GNAQ: variants seen among roughly 807,000 people sequenced by gnomAD.
GNAQ encodes the protein G protein subunit alpha q.
GNAQ carries 8 observed loss-of-function variants against 43.9 expected under a neutral mutation model. The ratio of observed to expected loss-of-function variants is 0.18; its 90% CI spans 0.11 to 0.33. The LOEUF is 0.33. GNAQ is among the 10% of genes least tolerant of loss of function. The probability of loss-of-function intolerance (pLI) is 1.00; values close to 1 mark genes in which losing one functional copy is unlikely to be tolerated. For synonymous variants in GNAQ, 155 were observed against 170.7 expected (o/e 0.91, Z 0.71); for missense variants, 158 against 450.8 (o/e 0.35, Z 5.88).
At chr9:77,923,538 C>G (rs796996865) in intron 1 of GNAQ, among the ~76,000 whole-genome samples, 26 of 152,240 alleles carry the variant, frequency 1.7e-4, no homozygotes, top group African/African-American at 6.3e-4. Context: ...CTTCATTTTT[C>G]TAAATATGAG....
intron 5 of GNAQ, among the ~76,000 whole-genome samples, chr9:77,745,527 A>G (rs1825715575): frequency 6.6e-6 from 1 of 152,090 alleles, no homozygotes; most frequent in Non-Finnish European, 1.5e-5. Flanking sequence ...ATACTGACTT[A>G]AGAAAGAAAA....
intron 2 of GNAQ, among the ~76,000 whole-genome samples, chr9:77,826,769 T>C (rs1827204489): frequency 6.6e-6 from 1 of 152,194 alleles, no homozygotes; most frequent in South Asian, 2.1e-4. Context: ...TGTAATAATA[T>C]ATACAAAACA....
At chr9:77,909,636 C>T (rs1564148536) in intron 2 of GNAQ, among the ~76,000 whole-genome samples, 1 of 151,844 alleles carries the variant, frequency 6.6e-6, no homozygotes, top group East Asian at 1.9e-4. Context: ...TTGATATATG[C>T]CAGTCCTTTC....
intron 6 of GNAQ, among the ~76,000 whole-genome samples, chr9:77,724,040 G>A (rs535521403): frequency 6.6e-5 from 10 of 152,156 alleles, no homozygotes; most frequent in Admixed American, 3.3e-4. Flanking sequence ...AATAGGTACC[G>A]ATAGATATAT....
chr9:77,893,238 T>C (rs1484211032), intron 2 of GNAQ, among the ~76,000 whole-genome samples: 2 of 152,088 alleles, frequency 1.3e-5, no homozygotes, highest in African/African-American at 4.8e-5. Flanking sequence ...ATAAAGCAGG[T>C]TGTGGTAAAG....
chr9:77,941,981 A>G (rs968667457), intron 1 of GNAQ, among the ~76,000 whole-genome samples: 3 of 151,994 alleles, frequency 2.0e-5, no homozygotes, highest in Admixed American at 2.0e-4. Flanking sequence ...GGGTAGAAAA[A>G]TCTATAATAA....
intron 3 of GNAQ, among the ~76,000 whole-genome samples, chr9:77,801,829 T>C (rs1368580122): frequency 6.6e-6 from 1 of 152,166 alleles, no homozygotes; most frequent in East Asian, 1.9e-4. Context: ...CTACCCAGGA[T>C]TGAAGATATG....
chr9:78,004,971 T>C (rs890712854), intron 1 of GNAQ, among the ~76,000 whole-genome samples: 10 of 152,202 alleles, frequency 6.6e-5, no homozygotes, highest in Admixed American at 3.9e-4. Context: ...TCAGATAAAC[T>C]TGACTGACAG....
chr9:77,732,721 G>T (rs1825515546), intron 5 of GNAQ, among the ~76,000 whole-genome samples: 1 of 152,130 alleles, frequency 6.6e-6, no homozygotes. Flanking sequence ...TAACAGGTTG[G>T]GCCTAGACTC....
rs915999563 is a variant in GNAQ at position 77,717,217 on chromosome 9, G to C, written c.*4106C>G. On this transcript the variant is annotated 3_prime_UTR_variant, in exon 7 of 7. Transcript: ENST00000286548. ...GTTTCTAACCAAAGATATATCTTTG[G>C]AAGAAAATATTAATGTATACCAAGC... The C allele has an allele frequency of 6.9e-5, 16 of 232,114 alleles. No individual in the cohort carries two copies. Among genetic ancestry groups the C allele is most frequent in the African/African-American group, 3.5e-4 (16 of 45,262 alleles). 14.4% of individuals were successfully genotyped at this position (232,114 alleles called of 1,614,324 possible).
chr9:77,811,648 C>T lies in GNAQ; in HGVS notation c.476+3968G>A, dbSNP rs112160057. On this transcript the variant is annotated intron_variant, in intron 3 of 6. Transcript: ENST00000286548. Reference sequence around the variant, plus strand: ...GCAGCAAATGAGTGACTCTATGATGCCCAGGTCCTATTTCTGTTGAGAGGT... The same window carrying T: ...GCAGCAAATGAGTGACTCTATGATGTCCAGGTCCTATTTCTGTTGAGAGGT... Among the ~76,000 whole-genome samples the T allele has an allele frequency of 5.6e-3, 856 of 152,232 alleles. 1 individual carries two copies. Among genetic ancestry groups the T allele is most frequent in the African/African-American group, 0.019 (809 of 41,542 alleles).
At chr9:77,935,147 C>T (rs996652709) in intron 1 of GNAQ, among the ~76,000 whole-genome samples, 1 of 151,972 alleles carries the variant, frequency 6.6e-6, no homozygotes, top group African/African-American at 2.4e-5. Context: ...AAATTATACC[C>T]AAAGAAATAC....
chr9:77,842,474 A>G (rs1195357200), intron 2 of GNAQ, among the ~76,000 whole-genome samples: 1 of 152,184 alleles, frequency 6.6e-6, no homozygotes, highest in Non-Finnish European at 1.5e-5. Flanking sequence ...GGGGAACCTC[A>G]ATATTTAGGA....
chr9:78,020,004 G>A (rs1823888196), intron 1 of GNAQ, among the ~76,000 whole-genome samples: 1 of 151,790 alleles, frequency 6.6e-6, no homozygotes, highest in African/African-American at 2.4e-5. Context: ...TCTTAGGCTT[G>A]GATGTAATGG....
chr9:77,903,224 C>T (rs1231302168), intron 2 of GNAQ, among the ~76,000 whole-genome samples: 1 of 152,096 alleles, frequency 6.6e-6, no homozygotes, highest in African/African-American at 2.4e-5. Flanking sequence ...AGATCCCACT[C>T]CATAAGTGGA....
intron 5 of GNAQ, among the ~76,000 whole-genome samples, chr9:77,729,475 G>A (rs1825451447): frequency 6.6e-6 from 1 of 152,022 alleles, no homozygotes; most frequent in African/African-American, 2.4e-5. Flanking sequence ...TGCTATTTGA[G>A]GCTGTTCCTG....
chr9:77,757,110 G>C (rs1013224299), intron 5 of GNAQ, among the ~76,000 whole-genome samples: 1 of 152,148 alleles, frequency 6.6e-6, no homozygotes, highest in East Asian at 1.9e-4. Flanking sequence ...TGAGATTATG[G>C]AAAGGCAAAG....
intron 1 of GNAQ, among the ~76,000 whole-genome samples, chr9:77,991,752 T>C (rs896975544): frequency 1.1e-4 from 17 of 152,148 alleles, no homozygotes; most frequent in African/African-American, 3.9e-4. Flanking sequence ...CCTAAGTCCA[T>C]TATATAATTC....
At chr9:77,944,051 A>G (rs1288279766) in intron 1 of GNAQ, among the ~76,000 whole-genome samples, 1 of 151,604 alleles carries the variant, frequency 6.6e-6, no homozygotes, top group Admixed American at 6.6e-5. Flanking sequence ...ATAGTGAGAA[A>G]ATATGTTCCT....
Sources: allele counts gnomAD v4.1 joint callset (sites outside exome capture counted in the v4.1 genomes callset), GRCh38; gene constraint gnomAD v4.1.1; transcripts MANE v1.5; gene names NCBI Gene and HGNC (gene_info 2026-07-23, HGNC 2026-07-21).